ROBO1: variants seen among roughly 807,000 people sequenced by gnomAD.
The protein encoded by ROBO1 is roundabout guidance receptor 1, also known as roundabout homolog 1.
ROBO1 carries 149 observed loss-of-function variants against 195.9 expected under a neutral mutation model. That is an observed-to-expected ratio of 0.76 (90% CI 0.67 to 0.87). The LOEUF is 0.87. ROBO1 is among the 40% of genes least tolerant of loss of function. The probability of loss-of-function intolerance (pLI) is 0.00; values close to 1 mark genes in which losing one functional copy is unlikely to be tolerated. For missense variants in ROBO1, 1,933 were observed against 2,068.3 expected (o/e 0.93, Z 1.27); for synonymous variants, 816 against 733.2 (o/e 1.11, Z -1.82).
In ROBO1 at chr3:79,512,722, G is replaced by T. The variant is rs148178262; in HGVS notation, c.88+77102C>A. 5.3e-5 allele frequency: 8 copies of T among 152,216 alleles called. No individual in the cohort carries two copies. In the East Asian group the frequency reaches 1.5e-3, roughly 29 times the overall value. 9.4% of individuals were successfully genotyped at this position (152,216 alleles called of 1,614,324 possible). A position where few individuals can be genotyped will look rare whatever the true frequency, so the allele number is the denominator to read the frequency against. On this transcript the variant is annotated intron_variant, in intron 2 of 30. Transcript: ENST00000464233. ...TTGCACTGAAGGAACAGAAACAAAAGATTGAGAACTTACAGGGAAAACCTG... is the reference window on the plus strand; with the variant it reads ...TTGCACTGAAGGAACAGAAACAAAATATTGAGAACTTACAGGGAAAACCTG...
In ROBO1 at chr3:78,913,925, C is replaced by T. The variant is rs767105005; in HGVS notation, c.499+24676G>A. Among the ~76,000 whole-genome samples, 8 of 152,276 alleles carry T rather than the reference C, an allele frequency of 5.3e-5. No homozygotes were observed. In the East Asian group the frequency reaches 1.4e-3, roughly 26 times the overall value. On this transcript the variant is annotated intron_variant, in intron 4 of 30. Coordinates refer to ENST00000464233, the MANE Select transcript of ROBO1 (RefSeq NM_002941.4). ...TAGGCTAGAGACCAAGAAAACTTCA[C>T]GGCCCCAGGCCTTGAGTTTTGTAGT...
At chr3:78,777,824 A>G (rs1020567942) in intron 4 of ROBO1, among the ~76,000 whole-genome samples, 2 of 152,098 alleles carry the variant, frequency 1.3e-5, no homozygotes, top group Non-Finnish European at 2.9e-5. Context: ...AATACCCTTT[A>G]TTTCTTTCTC....
At position 79,669,084 on chromosome 3, in the gene ROBO1, T is replaced by C. The variant is rs1263435963; in HGVS notation, c.-50-79123A>G. 2.6e-5 allele frequency among the ~76,000 whole-genome samples: 4 copies of C among 152,038 alleles called. No homozygotes were observed. In the Middle Eastern group the frequency reaches 0.01, roughly 388 times the overall value. On this transcript the variant is annotated intron_variant, in intron 1 of 30. Transcript: ENST00000464233. ...GAGTCCCTACCCAAATCTCACCTTGTAGCTCCCATAATTTCTACGTGTTGT... is the reference window on the plus strand; with the variant it reads ...GAGTCCCTACCCAAATCTCACCTTGCAGCTCCCATAATTTCTACGTGTTGT...
At chr3:79,702,841 T>C (rs937896020) in intron 1 of ROBO1, among the ~76,000 whole-genome samples, 3 of 151,966 alleles carry the variant, frequency 2.0e-5, no homozygotes, top group Non-Finnish European at 4.4e-5. Context: ...AGAATTCAAA[T>C]GTAATTTGGA....
chr3:79,429,839 T>C (rs2038602718), intron 2 of ROBO1, among the ~76,000 whole-genome samples: 1 of 152,154 alleles, frequency 6.6e-6, no homozygotes, highest in Non-Finnish European at 1.5e-5. Context: ...AGTAGCAAAC[T>C]ATAGAGCAGT....
rs1376245070 is a variant in ROBO1 at position 78,651,862 on chromosome 3, C to T, written c.2682G>A (p.Val894=). ...VSLAQQISDV[V]KQPAFIAGIG... ...TACCTGCTATGAAGGCCGGCTGCTT[C>T]ACCACATCTGAAATCTGCTGAGCGA... Residue 894 remains valine (V), a synonymous_variant, in exon 19 of 31, where the codon GTG becomes GTA. Transcript: ENST00000464233. 1 of 1,613,834 alleles carries T rather than the reference C, an allele frequency of 6.2e-7. No individual in the cohort carries two copies. Among genetic ancestry groups the T allele is most frequent in the Non-Finnish European group, 8.5e-7 (1 of 1,179,748 alleles).
At chr3:79,075,567 C>T (rs937169404) in intron 3 of ROBO1, among the ~76,000 whole-genome samples, 1 of 151,906 alleles carries the variant, frequency 6.6e-6, no homozygotes, top group Non-Finnish European at 1.5e-5. Context: ...ATAGTTAACA[C>T]AGGATTTTAT....
intron 1 of ROBO1, among the ~76,000 whole-genome samples, chr3:79,641,521 C>A (rs1358726555): frequency 2.0e-5 from 3 of 151,376 alleles, no homozygotes; most frequent in Non-Finnish European, 2.9e-5. Context: ...ACAATGTGCA[C>A]ATGTACCCTA....
In ROBO1 at chr3:78,866,380, G is replaced by T. The variant is rs542381368; in HGVS notation, c.499+72221C>A. On this transcript the variant is annotated intron_variant, in intron 4 of 30. Transcript: ENST00000464233. ...CCTCGGATCACCAGTGCCTAAAAAG[G>T]GATGCCTTGCCCAAAATAAGGTAGA... is the stretch of plus-strand genomic sequence containing the variant. 3.9e-5 allele frequency among the ~76,000 whole-genome samples: 6 copies of T among 152,196 alleles called. No homozygotes were observed. In the South Asian group the frequency reaches 1.2e-3, roughly 32 times the overall value.
chr3:79,223,542 G>A (rs1212024439), intron 2 of ROBO1, among the ~76,000 whole-genome samples: 1 of 152,096 alleles, frequency 6.6e-6, no homozygotes, highest in Non-Finnish European at 1.5e-5. Context: ...TCTTTCTCTG[G>A]AATGACTTGA....
chr3:79,196,557 T>C (rs2081641428), intron 2 of ROBO1, among the ~76,000 whole-genome samples: 1 of 151,842 alleles, frequency 6.6e-6, no homozygotes, highest in South Asian at 2.1e-4. Flanking sequence ...TAACTTATAG[T>C]GACTACAATG....
At chr3:79,468,236 T>C (rs1483455640) in intron 2 of ROBO1, among the ~76,000 whole-genome samples, 1 of 152,258 alleles carries the variant, frequency 6.6e-6, no homozygotes, top group African/African-American at 2.4e-5. Context: ...AAGTGCCTGA[T>C]GCTGAGTACA....
intron 4 of ROBO1, among the ~76,000 whole-genome samples, chr3:78,931,236 CTTTTTTTTTTTT>C (rs71127369): frequency 5.0e-5 from 4 of 79,226 alleles, no homozygotes; most frequent in African/African-American, 1.4e-4. Context: ...TTCTTTCTTT[CTTTTTTTTTTTT>C]TTTTTTTTTT....
chr3:79,353,412 C>T (rs2035422028), intron 2 of ROBO1, among the ~76,000 whole-genome samples: 1 of 151,886 alleles, frequency 6.6e-6, no homozygotes, highest in African/African-American at 2.4e-5. Flanking sequence ...CACACACACA[C>T]ACACACACAC....
intron 2 of ROBO1, among the ~76,000 whole-genome samples, chr3:79,441,472 G>A (rs1055057896): frequency 1.3e-5 from 2 of 152,102 alleles, no homozygotes; most frequent in Admixed American, 6.6e-5. Context: ...AAATAACTAA[G>A]TATTGTTTTT....
At chr3:79,524,268 G>A (rs1265356415) in intron 2 of ROBO1, among the ~76,000 whole-genome samples, 1 of 151,752 alleles carries the variant, frequency 6.6e-6, no homozygotes, top group Non-Finnish European at 1.5e-5. Context: ...AATTTGAACT[G>A]TAAACATCAT....
At chr3:79,666,577 T>G (rs1946481709) in intron 1 of ROBO1, among the ~76,000 whole-genome samples, 1 of 151,868 alleles carries the variant, frequency 6.6e-6, no homozygotes, top group Admixed American at 6.6e-5. Context: ...TGAATAAGTC[T>G]CATGAGATCT....
At chr3:79,061,724 A>G (rs2078921712) in intron 3 of ROBO1, among the ~76,000 whole-genome samples, 1 of 152,164 alleles carries the variant, frequency 6.6e-6, no homozygotes, top group Admixed American at 6.5e-5. Context: ...GACCTTTGAC[A>G]AACCTGACAA....
chr3:79,622,717 C>T lies in ROBO1; in HGVS notation c.-50-32756G>A, dbSNP rs72909928. Among the ~76,000 whole-genome samples, 1,008 of 152,260 alleles carry T rather than the reference C, an allele frequency of 6.6e-3. 10 individuals carry two copies. The highest frequency in any genetic ancestry group is 0.023 in the African/African-American group (945 of 41,548). On this transcript the variant is annotated intron_variant, in intron 1 of 30. Coordinates refer to ENST00000464233, the MANE Select transcript of ROBO1 (RefSeq NM_002941.4). ...TTGAGCCCCTAGTGGGAGAGGTGGC[C>T]GCAGACATAGCTTTTCCTGCTGGTA...
Sources: gnomAD v4.1 joint callset for allele counts (sites outside exome capture counted in the v4.1 genomes callset) on GRCh38, gnomAD v4.1.1 for gene constraint, MANE v1.5 for transcripts, NCBI Gene and HGNC (gene_info 2026-07-23, HGNC 2026-07-21) for gene names.